MYO16: variants seen among roughly 807,000 people sequenced by gnomAD.
The protein encoded by MYO16 is unconventional myosin-XVI.
MYO16 carries 94 observed loss-of-function variants against 205.3 expected under a neutral mutation model. The observed-to-expected ratio is 0.46, with a 90% confidence interval of 0.39 to 0.54. The LOEUF (loss-of-function observed/expected upper bound fraction) is 0.54, where lower values mean the gene tolerates loss of function less well. Among genes scored for constraint, MYO16 ranks in the 20% least tolerant of loss-of-function variants. The pLI, the probability that MYO16 is intolerant of heterozygous loss-of-function variation, is 0.00. For synonymous variants in MYO16, 988 were observed against 954.0 expected, an observed-to-expected ratio of 1.04 and a Z score of -0.66; for missense variants, 2,315 against 2,387.5, an observed-to-expected ratio of 0.97 and a Z score of 0.63.
Position 108,650,972 on chromosome 13 carries a change from C to T in MYO16, c.29-14914C>T, listed in dbSNP as rs555580174. Among the ~76,000 whole-genome samples, 12 of 152,318 alleles carry T rather than the reference C, an allele frequency of 7.9e-5. No individual in the cohort carries two copies. In the East Asian group the frequency reaches 1.9e-3, roughly 24 times the overall value. The stretch of plus-strand genomic sequence containing the variant: ...GGATGTGCCAGACCCTTGGCTGATG[C>T]TTCACATGCATTTTATCATTGGATC... On this transcript the variant is annotated intron_variant, in intron 1 of 34. Coordinates refer to ENST00000457511, the MANE Select transcript of MYO16 (RefSeq NM_001198950.3).
intron 3 of MYO16, among the ~76,000 whole-genome samples, chr13:108,725,177 A>G (rs768200193): frequency 3.3e-5 from 5 of 152,150 alleles, no homozygotes; most frequent in African/African-American, 7.2e-5. Context: ...AACATCTTCA[A>G]TAGATCCCCT....
chr13:109,124,874 G>C (rs1876160621), intron 29 of MYO16, among the ~76,000 whole-genome samples: 1 of 152,204 alleles, frequency 6.6e-6, no homozygotes, highest in African/African-American at 2.4e-5. Flanking sequence ...AGTCCAGCTT[G>C]TGTTACCAAA....
chr13:109,066,627 AT>A (rs1396366761), intron 27 of MYO16, among the ~76,000 whole-genome samples: 1 of 152,152 alleles, frequency 6.6e-6, no homozygotes, highest in Non-Finnish European at 1.5e-5. Flanking sequence ...TTCTTCAAGG[AT>A]CTGCACACTT....
chr13:109,063,797 G>A (rs1887661426), intron 27 of MYO16, among the ~76,000 whole-genome samples: 1 of 152,112 alleles, frequency 6.6e-6, no homozygotes, highest in Non-Finnish European at 1.5e-5. Flanking sequence ...GCTGATAGAA[G>A]GAAATATGGC....
chr13:108,931,233 C>T (rs1882241907), intron 16 of MYO16, among the ~76,000 whole-genome samples: 1 of 152,206 alleles, frequency 6.6e-6, no homozygotes, highest in Non-Finnish European at 1.5e-5. Context: ...GTCTGCCTAA[C>T]AATTCTTTGT....
chr13:108,739,020 C>A (rs1241513751), intron 4 of MYO16, among the ~76,000 whole-genome samples: 2 of 152,128 alleles, frequency 1.3e-5, no homozygotes, highest in African/African-American at 2.4e-5. Flanking sequence ...TTGTTTTGAG[C>A]CTATGTGCAT....
At chr13:109,094,909 TTTGGG>T (rs1888731143) in intron 27 of MYO16, among the ~76,000 whole-genome samples, 1 of 147,956 alleles carries the variant, frequency 6.8e-6, no homozygotes, top group Admixed American at 6.8e-5. Flanking sequence ...CTGATGGGCA[TTTGGG>T]TTGGTTCCAA....
intron 21 of MYO16, among the ~76,000 whole-genome samples, chr13:108,995,685 C>T (rs1045594555): frequency 2.2e-4 from 34 of 152,140 alleles, no homozygotes; most frequent in Non-Finnish European, 3.5e-4. Flanking sequence ...TGAGAACATG[C>T]GGTGTTTCGT....
intron 4 of MYO16, among the ~76,000 whole-genome samples, chr13:108,734,871 G>C (rs1445036924): frequency 6.6e-6 from 1 of 152,178 alleles, no homozygotes; most frequent in Admixed American, 6.5e-5. Flanking sequence ...CCACTAGGTC[G>C]CATGTGGAAT....
chr13:108,743,590 G>A (rs1884974122), intron 4 of MYO16, among the ~76,000 whole-genome samples: 1 of 152,174 alleles, frequency 6.6e-6, no homozygotes, highest in Non-Finnish European at 1.5e-5. Flanking sequence ...AGTAACAATG[G>A]ATTGATTACT....
intron 2 of MYO16, among the ~76,000 whole-genome samples, chr13:108,706,424 G>C (rs998499643): frequency 1.3e-5 from 2 of 152,048 alleles, no homozygotes; most frequent in Non-Finnish European, 2.9e-5. Context: ...GAATGAAATG[G>C]GTTACAAGTA....
At chr13:108,683,419 A>G (rs543596106) in intron 2 of MYO16, among the ~76,000 whole-genome samples, 106 of 152,272 alleles carry the variant, frequency 7.0e-4, no homozygotes, top group African/African-American at 2.1e-3. Flanking sequence ...TTTGCCAAAA[A>G]AAAGAAAGAA....
intron 28 of MYO16, among the ~76,000 whole-genome samples, chr13:109,107,206 A>G (rs984486377): frequency 8.5e-5 from 13 of 152,242 alleles, no homozygotes; most frequent in Non-Finnish European, 1.5e-4. Context: ...GTAATGAGAT[A>G]TACTTTTCCT....
chr13:109,201,016 A>G (rs1175627317), intron 34 of MYO16, among the ~76,000 whole-genome samples: 5 of 151,948 alleles, frequency 3.3e-5, no homozygotes, highest in African/African-American at 1.2e-4. Context: ...AGTAACACCA[A>G]CTGCTGGGTA....
chr13:108,953,367 A>G (rs997387457), intron 16 of MYO16, among the ~76,000 whole-genome samples: 5 of 152,268 alleles, frequency 3.3e-5, no homozygotes, highest in Non-Finnish European at 7.3e-5. Flanking sequence ...AGTTGCCTGC[A>G]TAGGCAAGAT....
At chr13:108,620,995 C>T (rs534771688) in intron 1 of MYO16, among the ~76,000 whole-genome samples, 1 of 152,162 alleles carries the variant, frequency 6.6e-6, no homozygotes, top group South Asian at 2.1e-4. Context: ...AGGTACTATC[C>T]TTTAGCCTTG....
chr13:109,117,699 G>A (rs1286323677), intron 28 of MYO16, among the ~76,000 whole-genome samples: 1 of 152,004 alleles, frequency 6.6e-6, no homozygotes, highest in East Asian at 1.9e-4. Flanking sequence ...CAGTTGTAAA[G>A]GATAAAGAGG....
At chr13:108,949,254 C>A (rs899865054) in intron 16 of MYO16, among the ~76,000 whole-genome samples, 1 of 151,976 alleles carries the variant, frequency 6.6e-6, no homozygotes, top group African/African-American at 2.4e-5. Flanking sequence ...AAAGAAGGCA[C>A]CATCAGGCTT....
chr13:109,174,480 G>T lies in MYO16; in HGVS notation c.5324-5062G>T, dbSNP rs76583969. On this transcript the variant is annotated intron_variant, in intron 33 of 34. Coordinates refer to ENST00000457511, the MANE Select transcript of MYO16 (RefSeq NM_001198950.3). ...GTTTGAGAAATTTACATTGAGAAGG[G>T]GGGAAATGGAGACATACAATAGGTG... 4.0e-3 allele frequency among the ~76,000 whole-genome samples: 608 copies of T among 152,200 alleles called. 5 individuals carry two copies. The highest frequency in any genetic ancestry group is 0.014 in the African/African-American group (580 of 41,544).
Sources: allele counts gnomAD v4.1 joint callset (sites outside exome capture counted in the v4.1 genomes callset), GRCh38; gene constraint gnomAD v4.1.1; transcripts MANE v1.5; gene names NCBI Gene and HGNC (gene_info 2026-07-23, HGNC 2026-07-21).